KAZN: variants seen among roughly 807,000 people sequenced by gnomAD.
The protein encoded by KAZN is kazrin, periplakin interacting protein.
KAZN carries 40 observed loss-of-function variants against 87.4 expected under a neutral mutation model. The observed-to-expected ratio is 0.46, with a 90% CI of 0.36 to 0.60. KAZN has a LOEUF of 0.60. Ranked by LOEUF, KAZN falls within the 20% of genes least tolerant of loss-of-function variation. The pLI is 0.00. For missense variants in KAZN, 898 were observed against 1,073.9 expected (o/e 0.84, Z 2.29); for synonymous variants, 466 against 458.3 (o/e 1.02, Z -0.22).
At chr1:15,107,458 C>T (rs766877588) in intron 13 of KAZN, among the ~76,000 whole-genome samples, 1 of 152,138 alleles carries the variant, frequency 6.6e-6, no homozygotes, top group Non-Finnish European at 1.5e-5. Context: ...CACTCTAGCC[C>T]CAGGCAACCC....
chr1:14,333,934 G>A (rs1657033793), intron 2 of KAZN, among the ~76,000 whole-genome samples: 1 of 152,138 alleles, frequency 6.6e-6, no homozygotes, highest in African/African-American at 2.4e-5. Flanking sequence ...AAGGACTGAG[G>A]CCATCACCCA....
At chr1:14,134,969 GCA>G (rs35930772) in intron 1 of KAZN, among the ~76,000 whole-genome samples, 31,802 of 98,886 alleles carry the variant, frequency 0.32, 3,580 homozygotes, top group South Asian at 0.41. Flanking sequence ...ATATGCACCC[GCA>G]CACACACACA....
At chr1:13,909,414 C>G (rs1269808817) in intron 1 of KAZN, among the ~76,000 whole-genome samples, 1 of 151,994 alleles carries the variant, frequency 6.6e-6, no homozygotes, top group Non-Finnish European at 1.5e-5. Context: ...ATTTCTCTCT[C>G]TTAGGTAGTG....
chr1:14,348,597 A>G (rs931212778), intron 2 of KAZN, among the ~76,000 whole-genome samples: 1 of 152,218 alleles, frequency 6.6e-6, no homozygotes. Context: ...TCTTAGCTTT[A>G]TACGACTCTG....
intron 2 of KAZN, among the ~76,000 whole-genome samples, chr1:14,382,532 T>C (rs1418369177): frequency 1.4e-4 from 19 of 138,426 alleles, no homozygotes; most frequent in African/African-American, 4.9e-4. Flanking sequence ...TGTGTTCTCA[T>C]TGTTCAATTC....
rs1476341737 is a variant in KAZN at position 15,117,156 on chromosome 1, G to T, written c.*2521G>T. 1 of 152,270 alleles carries T rather than the reference G, an allele frequency of 6.6e-6. No homozygotes were observed. Among genetic ancestry groups the T allele is most frequent in the African/African-American group, 2.4e-5 (1 of 41,442 alleles). The allele number at this position is 152,270 out of a possible 1,614,324, so 9.4% of individuals were successfully genotyped here. On this transcript the variant is annotated 3_prime_UTR_variant, in exon 15 of 15. Transcript: ENST00000376030. ...AGGTCGGCAAGAAGAACAGAAGGCG[G>T]AGACTTGGCAGAGAGACTCAAGCTG...
Position 14,844,672 on chromosome 1 carries a change from C to G in KAZN, c.227-116012C>G, listed in dbSNP as rs985223948. Among the ~76,000 whole-genome samples the G allele has an allele frequency of 2.6e-5, 4 of 152,286 alleles. No individual in the cohort carries two copies. The East Asian group carries it at 7.7e-4, about 29-fold the overall frequency. On this transcript the variant is annotated intron_variant, in intron 1 of 14. Transcript: ENST00000376030. ...TGGGAATCAGCTCAGATGATAGAGC[C>G]CCTTTCCTATAAGGAGGAAATGATG... is the stretch of plus-strand genomic sequence containing the variant.
At chr1:13,948,218 T>C (rs1216777546) in intron 1 of KAZN, among the ~76,000 whole-genome samples, 1 of 152,174 alleles carries the variant, frequency 6.6e-6, no homozygotes, top group Non-Finnish European at 1.5e-5. Context: ...ACCACCTTCA[T>C]ATGGTTTGGC....
chr1:14,853,707 C>T (rs567385515), intron 1 of KAZN, among the ~76,000 whole-genome samples: 2 of 152,174 alleles, frequency 1.3e-5, no homozygotes, highest in Non-Finnish European at 2.9e-5. Flanking sequence ...TCTCTTGGCC[C>T]CTCTCCCAGC....
chr1:14,577,154 C>G (rs1160074852), intron 2 of KAZN, among the ~76,000 whole-genome samples: 1 of 152,092 alleles, frequency 6.6e-6, no homozygotes, highest in Non-Finnish European at 1.5e-5. Flanking sequence ...ATTGCTAACC[C>G]CCTTTAATCA....
At chr1:14,374,536 G>A (rs148056959) in intron 2 of KAZN, among the ~76,000 whole-genome samples, 2 of 152,168 alleles carry the variant, frequency 1.3e-5, no homozygotes, top group East Asian at 1.9e-4. Context: ...GCTAAATAAC[G>A]AGCCCTTTTT....
chr1:14,352,405 C>G (rs1195517611), intron 2 of KAZN, among the ~76,000 whole-genome samples: 1 of 152,130 alleles, frequency 6.6e-6, no homozygotes, highest in Non-Finnish European at 1.5e-5. Context: ...CTGAGTCCAG[C>G]TGAGGAAAGC....
intron 2 of KAZN, among the ~76,000 whole-genome samples, chr1:14,250,763 T>C (rs1456506238): frequency 6.6e-6 from 1 of 152,112 alleles, no homozygotes; most frequent in Non-Finnish European, 1.5e-5. Context: ...TTGGGCATGG[T>C]ATTTCAACTT....
chr1:14,819,076 C>T (rs1255861744), intron 1 of KAZN, among the ~76,000 whole-genome samples: 1 of 152,170 alleles, frequency 6.6e-6, no homozygotes, highest in African/African-American at 2.4e-5. Flanking sequence ...TGAAGATACT[C>T]AGTACCAAGA....
At chr1:14,855,147 G>A (rs572457959) in intron 1 of KAZN, among the ~76,000 whole-genome samples, 3 of 152,226 alleles carry the variant, frequency 2.0e-5, no homozygotes, top group Admixed American at 2.0e-4. Flanking sequence ...AATTTACCAG[G>A]GCTGTTACCA....
upstream of KAZN, among the ~76,000 whole-genome samples, chr1:14,595,680 C>CAAAAAAAA (rs34080804): frequency 3.1e-4 from 30 of 96,618 alleles, no homozygotes; most frequent in African/African-American, 1.3e-3. Context: ...GACTGCGTCT[C>CAAAAAAAA]AAAAAAAAAA....
intron 1 of KAZN, among the ~76,000 whole-genome samples, chr1:13,949,978 G>A (rs12133716): frequency 0.097 from 14,791 of 152,200 alleles, 815 homozygotes; most frequent in Middle Eastern, 0.15. Context: ...CACTGGGTCC[G>A]AGTAAGATTG....
intron 2 of KAZN, among the ~76,000 whole-genome samples, chr1:14,510,150 G>C (rs1280785576): frequency 6.6e-6 from 1 of 152,166 alleles, no homozygotes; most frequent in Non-Finnish European, 1.5e-5. Flanking sequence ...AGGCCGAGGT[G>C]GGTGGATCAC....
At chr1:14,490,561 C>T (rs1035467183) in intron 2 of KAZN, among the ~76,000 whole-genome samples, 4 of 152,158 alleles carry the variant, frequency 2.6e-5, no homozygotes, top group East Asian at 1.9e-4. Flanking sequence ...GGCGCGATCT[C>T]GGCTCACTGC....
Sources: gnomAD v4.1 joint callset for allele counts (sites outside exome capture counted in the v4.1 genomes callset) on GRCh38, gnomAD v4.1.1 for gene constraint, MANE v1.5 for transcripts, NCBI Gene and HGNC (gene_info 2026-07-23, HGNC 2026-07-21) for gene names.